MYOM1: variants seen among roughly 807,000 people sequenced by gnomAD.
MYOM1 encodes myomesin 1, also known as myomesin-1.
Under a neutral mutation model 205.3 loss-of-function variants are expected in MYOM1, and 164 were observed. The observed-to-expected ratio is 0.80, with a 90% confidence interval of 0.70 to 0.91. The LOEUF is 0.91. Among genes scored for constraint, MYOM1 ranks in the 40% least tolerant of loss-of-function variants. The pLI, the probability that MYOM1 is intolerant of heterozygous loss-of-function variation, is 0.00. For synonymous variants in MYOM1, 772 were observed against 789.4 expected, an observed-to-expected ratio of 0.98 and a Z score of 0.37; for missense variants, 2,011 against 2,127.3, an observed-to-expected ratio of 0.95 and a Z score of 1.08.
intron 22 of MYOM1, among the ~76,000 whole-genome samples, chr18:3,103,704 G>C (rs556665699): frequency 5.3e-5 from 8 of 152,074 alleles, no homozygotes; most frequent in Non-Finnish European, 1.2e-4. Flanking sequence ...TATTACAAGA[G>C]GCCAACATCC....
chr18:3,164,383 T>G lies in MYOM1; in HGVS notation c.1396A>C (p.Thr466Pro), dbSNP rs778619262. ...TTGTTGAGATGGGAAAATGTCAGCG[T>G]TGCCCGCTCTCCACTCCAAAGTGTT... is the stretch of plus-strand genomic sequence containing the variant. Reference protein sequence around the residue: ...VQTLWSGERATLTFSHLNKED... With the variant: ...VQTLWSGERAPLTFSHLNKED... Residue 466 changes from threonine to proline, a missense_variant, in exon 10 of 38, where the codon ACG becomes CCG. Thr to Pro is a conservative substitution (Grantham distance 38). Transcript: ENST00000356443. 7 of 1,611,548 alleles carry G rather than the reference T, an allele frequency of 4.3e-6. No individual in the cohort carries two copies. In the Admixed American group the frequency reaches 1.2e-4, roughly 27 times the overall value.
At position 3,067,517 on chromosome 18, in the gene MYOM1, A is replaced by T. The variant is rs1382552576; in HGVS notation, c.4803T>A (p.Pro1601=). Residue 1601 remains proline (P), a synonymous_variant, in exon 38 of 38, where the codon CCT becomes CCA. Transcript: ENST00000356443. Reference sequence around the variant, plus strand: ...CGTTCTTCAACCACGACACCTCCGGAGGCGGGTCTCCCCACACGTTGCAAG... The same window carrying T: ...CGTTCTTCAACCACGACACCTCCGGTGGCGGGTCTCCCCACACGTTGCAAG... ...NLTCNVWGDP[P]PEVSWLKNEK... The T allele has an allele frequency of 6.2e-7, 1 of 1,613,834 alleles. No individual in the cohort carries two copies. The highest frequency in any genetic ancestry group is 1.7e-5 in the Admixed American group (1 of 60,024).
chr18:3,155,052 G>C lies in MYOM1; in HGVS notation c.1538C>G (p.Pro513Arg). 6.2e-7 allele frequency: 1 copy of C among 1,613,178 alleles called. No individual in the cohort carries two copies. Among genetic ancestry groups the C allele is most frequent in the South Asian group, 1.1e-5 (1 of 90,812 alleles). Reference sequence around the variant, plus strand: ...GGCCTCCAAGCACTTCACATCCAAGGGAGCAGCTGGGGCTCCTTCAATCTC... The same window carrying C: ...GGCCTCCAAGCACTTCACATCCAAGCGAGCAGCTGGGGCTCCTTCAATCTC... ...DAEIEGAPAA[P>R]LDVKCLEANK... The change falls in exon 11 of 38, where the codon CCC becomes CGC. Residue 513 changes from proline to arginine, a missense_variant. Transcript: ENST00000356443.
chr18:3,107,982 A>G (rs1567908925), intron 22 of MYOM1, among the ~76,000 whole-genome samples: 1 of 152,202 alleles, frequency 6.6e-6, no homozygotes, highest in Non-Finnish European at 1.5e-5. Context: ...AGTTGCTCCT[A>G]TAGATAACAT....
Position 3,130,103 on chromosome 18 carries a change from C to T in MYOM1, c.2507-584G>A, listed in dbSNP as rs979509668. Among the ~76,000 whole-genome samples the T allele has an allele frequency of 1.3e-4, 19 of 151,230 alleles. No homozygotes were observed. In the South Asian group the frequency reaches 1.9e-3, roughly 15 times the overall value. ...TGTCCCCCAGGCTGGAGTGCACTGGCGCAATCTCGGCTCACTGCAACCTCC... is the reference window on the plus strand; with the variant it reads ...TGTCCCCCAGGCTGGAGTGCACTGGTGCAATCTCGGCTCACTGCAACCTCC... On this transcript the variant is annotated intron_variant, in intron 17 of 37. Transcript: ENST00000356443.
At chr18:3,148,820 T>TG (rs1480757303) in intron 13 of MYOM1, among the ~76,000 whole-genome samples, 1 of 110,432 alleles carries the variant, frequency 9.1e-6, no homozygotes, top group African/African-American at 3.6e-5. Context: ...CACTCCACCC[T>TG]GGGCGACAGA....
chr18:3,096,944 C>T (rs2079313472), intron 25 of MYOM1, among the ~76,000 whole-genome samples: 1 of 152,072 alleles, frequency 6.6e-6, no homozygotes, highest in Admixed American at 6.6e-5. Context: ...TCTATTTTTT[C>T]TATTTACTCA....
At position 3,072,054 on chromosome 18, in the gene MYOM1, A is replaced by AT. The variant is rs202209077; in HGVS notation, c.4709-166dup. On this transcript the variant is annotated intron_variant, in intron 36 of 37. Transcript: ENST00000356443. ...AAAGAAAATGATCCAGGGATTCAGG[A>AT]TTTTTTTTTTTTTTGAGACAGAGTC... Among the ~76,000 whole-genome samples the AT allele has an allele frequency of 0.17, 25,389 of 145,414 alleles. 2,301 individuals carry two copies. Among genetic ancestry groups the AT allele is most frequent in the East Asian group, 0.22 (1,078 of 4,950 alleles).
chr18:3,155,022 T>C lies in MYOM1; in HGVS notation c.1568A>G (p.Lys523Arg), dbSNP rs372075959. The change falls in exon 11 of 38, where the codon AAA becomes AGA. Residue 523 changes from lysine (K) to arginine (R), a missense_variant. Transcript: ENST00000356443. ...PLDVKCLEAN[K>R]DYIIISWKQP... ...TTTCCAGGAGATGATGATATAATCT[T>C]TGTTGGCCTCCAAGCACTTCACATC... 1.1e-5 allele frequency: 17 copies of C among 1,613,386 alleles called. No individual in the cohort carries two copies. Among genetic ancestry groups the C allele is most frequent in the Middle Eastern group, 1.6e-4 (1 of 6,084 alleles).
At chr18:3,085,226 CTGCTTTTTTTTTTTTTTTTT>C in intron 30 of MYOM1, 94 bp from the exon 31 acceptor site, 1 of 202,998 alleles carries the variant, frequency 4.9e-6, no homozygotes, top group Non-Finnish European at 8.6e-6. Context: ...TCTGCTGCTG[CTGCTTTTTTTTTTTTTTTTT>C]TTTTTTTTTT....
rs1431060771 is a variant in MYOM1, at chr18:3,075,466, T to C, written c.4696A>G (p.Ile1566Val). 1.2e-5 allele frequency: 20 copies of C among 1,610,158 alleles called. No individual in the cohort carries two copies. The highest frequency in any genetic ancestry group is 1.7e-5 in the Non-Finnish European group (20 of 1,178,178). Residue 1566 changes from isoleucine (I) to valine (V), a missense_variant, in exon 36 of 38, where the codon ATT (isoleucine) becomes GTT (valine). Physicochemically the swap from Ile to Val is conservative, Grantham distance 29 (BLOSUM62 3). Coordinates refer to ENST00000356443, the MANE Select transcript of MYOM1 (RefSeq NM_003803.4). ...AAAGTTTACTTACTTTTCTCGGCAA[T>C]GGCAGCTTGTCTGTGGTTGAGAGAA... ...AEFQRLKQAA[I>V]AEKNRARVLG... is the part of the protein sequence containing the mutation.
chr18:3,104,738 T>C (rs1050076447), intron 22 of MYOM1, among the ~76,000 whole-genome samples: 1 of 143,734 alleles, frequency 7.0e-6, no homozygotes, highest in African/African-American at 2.6e-5. Context: ...CACCAGGGAA[T>C]TGGAATCTTT....
chr18:3,136,118 TCC>T (rs2079958655), intron 14 of MYOM1, among the ~76,000 whole-genome samples: 1 of 107,344 alleles, frequency 9.3e-6, no homozygotes, highest in South Asian at 3.1e-4. Flanking sequence ...CACTTGGCTC[TCC>T]TTCTGTCTTG....
At chr18:3,154,215 T>C (rs1019874348) in intron 11 of MYOM1, among the ~76,000 whole-genome samples, 13 of 152,044 alleles carry the variant, frequency 8.6e-5, no homozygotes, top group Admixed American at 2.6e-4. Context: ...GTCTACAAAT[T>C]CATAGCATTC....
In MYOM1 at chr18:3,075,076, TG is replaced by T. The variant is rs376751033; in HGVS notation, c.4708+377del. Among the ~76,000 whole-genome samples the T allele has an allele frequency of 4.1e-4, 62 of 152,334 alleles. 1 individual carries two copies. The East Asian group carries it at 0.012, about 28-fold the overall frequency. On this transcript the variant is annotated intron_variant, in intron 36 of 37. Transcript: ENST00000356443. ...TCCCAAAGTGCTAGGATTGCAGGCG[TG>T]AGCCACCATGCCTGGCCCTTACAAT...
At chr18:3,173,660 C>T (rs773745236) in intron 8 of MYOM1, among the ~76,000 whole-genome samples, 1 of 151,356 alleles carries the variant, frequency 6.6e-6, no homozygotes, top group Non-Finnish European at 1.5e-5. Flanking sequence ...AATGATCTTT[C>T]GCAGTTTAAC....
intron 22 of MYOM1, among the ~76,000 whole-genome samples, chr18:3,104,841 C>A (rs956526169): frequency 1.0e-4 from 15 of 147,072 alleles, no homozygotes; most frequent in Non-Finnish European, 2.1e-4. Flanking sequence ...TGGCCTTGGC[C>A]TCCCAGGTCA....
At chr18:3,225,321 A>C in the MYOM1 span, among the ~76,000 whole-genome samples, 1 of 152,106 alleles carries the variant, frequency 6.6e-6, no homozygotes, top group African/African-American at 2.4e-5. Context: ...AGTCGCCCAT[A>C]CTTCTCTCTC....
intron 34 of MYOM1, among the ~76,000 whole-genome samples, chr18:3,078,767 T>C (rs2079049392): frequency 1.3e-5 from 2 of 152,010 alleles, no homozygotes; most frequent in South Asian, 4.2e-4. Context: ...AGATGAAGAG[T>C]ATAGTTCTGG....
Sources: gnomAD v4.1 joint callset for allele counts (sites outside exome capture counted in the v4.1 genomes callset) on GRCh38, gnomAD v4.1.1 for gene constraint, MANE v1.5 for transcripts, NCBI Gene and HGNC (gene_info 2026-07-23, HGNC 2026-07-21) for gene names.